The following RNF135 variants were observed in gnomAD, a reference collection of about 807,000 sequenced individuals.
RNF135 encodes E3 ubiquitin-protein ligase RNF135.
RNF135 carries 46 observed loss-of-function variants against 41.9 expected under a neutral mutation model. That is an observed-to-expected ratio of 1.10 (90% confidence interval 0.87 to 1.40). The LOEUF is 1.40. Among genes scored for constraint, RNF135 ranks in the 40% most tolerant of loss-of-function variants. The probability of loss-of-function intolerance (pLI) is 0.00; values close to 1 mark genes in which losing one functional copy is unlikely to be tolerated. For missense variants in RNF135, 539 were observed against 549.8 expected (o/e 0.98, Z 0.20); for synonymous variants, 238 against 223.8 (o/e 1.06, Z -0.57).
At chr17:30,966,429 T>C (rs1184265721), upstream of RNF135, among the ~76,000 whole-genome samples, 5 of 149,452 alleles carry the variant, frequency 3.3e-5, no homozygotes, top group African/African-American at 1.2e-4. Flanking sequence ...TTTATTTATT[T>C]TTATGTATTT....
At chr17:30,961,725 A>G in the RNF135 span, among the ~76,000 whole-genome samples, 1 of 152,044 alleles carries the variant, frequency 6.6e-6, no homozygotes, top group Admixed American at 6.6e-5. Flanking sequence ...CAGCCTCCCA[A>G]AATGCTGGGA....
rs1295451063 is a variant in RNF135, at chr17:30,998,754, C to CA, written c.864dup (p.Pro289ThrfsTer7). The CA allele has an allele frequency of 3.1e-6, 5 of 1,613,490 alleles. No individual in the cohort carries two copies. Among genetic ancestry groups the CA allele is most frequent in the Non-Finnish European group, 4.2e-6 (5 of 1,179,814 alleles). ...TACAGTGACTGTGTCTCACCGCCCA[C>CA]AACCCTATCGCTGGAGCTGTGAGAG... On this transcript the variant is annotated frameshift_variant, in exon 5 of 5. Transcript: ENST00000328381. LOFTEE classifies it high-confidence loss of function.
chr17:30,997,278 C>T lies in RNF135; in HGVS notation c.716C>T (p.Pro239Leu). The change falls in exon 4 of 5, where the codon CCA (proline) becomes CTA (leucine). Residue 239 changes from proline (P) to leucine (L), a missense_variant. Around this residue, in one of 2 missense-constraint regions of RNF135, gnomAD observed 262 missense variants for 336.9 expected, o/e 0.78. Coordinates refer to ENST00000328381, the MANE Select transcript of RNF135 (RefSeq NM_032322.4). ...LLEAPSSSSC[P>L]LPDQSHPALR... Reference sequence around the variant, plus strand: ...GAAGCCCCGTCTTCCTCCTCATGCCCATTGCCTGACCAGAGCCACCCTGCA... The same window carrying T: ...GAAGCCCCGTCTTCCTCCTCATGCCTATTGCCTGACCAGAGCCACCCTGCA... 2 of 1,614,098 alleles carry T rather than the reference C, an allele frequency of 1.2e-6. No homozygotes were observed.
At chr17:30,990,346 A>C (rs1907902319) in intron 3 of RNF135, among the ~76,000 whole-genome samples, 1 of 152,144 alleles carries the variant, frequency 6.6e-6, no homozygotes, top group Non-Finnish European at 1.5e-5. Context: ...AACATGGTGA[A>C]ACCCCGTCTC....
chr17:30,969,716 T>C (rs979905760), upstream of RNF135, among the ~76,000 whole-genome samples: 1 of 151,712 alleles, frequency 6.6e-6, no homozygotes, highest in African/African-American at 2.4e-5. Context: ...GTATTAGAAA[T>C]AACCACAAAC....
intron 3 of RNF135, among the ~76,000 whole-genome samples, chr17:30,990,824 A>G (rs975612068): frequency 5.9e-5 from 9 of 152,144 alleles, no homozygotes; most frequent in African/African-American, 2.2e-4. Flanking sequence ...TGCTTTTGTT[A>G]GTACCTAGGG....
chr17:30,970,778 T>C (rs1020562516), upstream of RNF135: 5 of 497,840 alleles, frequency 1.0e-5, no homozygotes. Context: ...TGGAGGGACA[T>C]CCAGCTAAAG....
upstream of RNF135, chr17:30,970,384 G>T (rs890854513): frequency 6.6e-6 from 1 of 152,118 alleles, no homozygotes; most frequent in Non-Finnish European, 1.5e-5. Flanking sequence ...GCAGAAGGCG[G>T]TAAGGACACA....
At position 30,999,892 on chromosome 17, in the gene RNF135, C is replaced by T. The variant is rs1002197652; in HGVS notation, c.*701C>T. The stretch of plus-strand genomic sequence containing the variant: ...ATCTGTATCCTTTCACTGTAATAAA[C>T]TGTAACTATGAGTGCAACACTTTGC... On this transcript the variant is annotated 3_prime_UTR_variant, in exon 5 of 5. Transcript: ENST00000328381. 6.5e-6 allele frequency: 1 copy of T among 153,210 alleles called. No individual in the cohort carries two copies. Among genetic ancestry groups the T allele is most frequent in the African/African-American group, 2.4e-5 (1 of 41,438 alleles). 9.5% of individuals were successfully genotyped at this position (153,210 alleles called of 1,614,324 possible).
chr17:30,995,406 G>GT (rs1353318666), intron 3 of RNF135, among the ~76,000 whole-genome samples: 4 of 151,506 alleles, frequency 2.6e-5, no homozygotes, highest in Non-Finnish European at 2.9e-5. Context: ...AAAAAGAATT[G>GT]TTTTGTAGAG....
intron 1 of RNF135, among the ~76,000 whole-genome samples, chr17:30,980,472 C>G (rs1350375640): frequency 1.5e-5 from 2 of 136,586 alleles, no homozygotes; most frequent in African/African-American, 5.5e-5. Flanking sequence ...CCTCACCTCC[C>G]GGACGGGGCG....
chr17:30,995,137 T>C (rs997896469), intron 3 of RNF135, among the ~76,000 whole-genome samples: 3 of 151,212 alleles, frequency 2.0e-5, no homozygotes, highest in Admixed American at 1.3e-4. Context: ...CCTGTAATCA[T>C]AGCACTTTGG....
Position 30,998,633 on chromosome 17 carries a change from T to G in RNF135, c.770-29T>G, listed in dbSNP as rs898760701. On this transcript the variant is annotated intron_variant, in intron 4 of 4. Transcript: ENST00000328381. ...GACCATCAAAAGATGACCGGCCATG[T>G]TCTTATTGTTCTTTTTTTTTTTCCA... 3.1e-6 allele frequency: 5 copies of G among 1,608,508 alleles called. No individual in the cohort carries two copies. The Admixed American group carries it at 6.7e-5, about 21-fold the overall frequency.
intron 3 of RNF135, among the ~76,000 whole-genome samples, chr17:30,992,191 C>T (rs1908035490): frequency 6.6e-6 from 1 of 152,048 alleles, no homozygotes; most frequent in Non-Finnish European, 1.5e-5. Flanking sequence ...CTTGGCTTCC[C>T]AATCTGCTGG....
intron 3 of RNF135, among the ~76,000 whole-genome samples, chr17:30,991,995 T>C (rs1364814322): frequency 6.6e-6 from 1 of 151,200 alleles, no homozygotes; most frequent in Admixed American, 6.6e-5. Context: ...TACAAAGGTG[T>C]GATCTGGCTC....
intron 1 of RNF135, chr17:30,975,341 T>C: frequency 1.4e-6 from 1 of 698,702 alleles, no homozygotes; most frequent in Non-Finnish European, 2.6e-6. Context: ...AAAATATTGC[T>C]ACTTATGCCT....
intron 3 of RNF135, among the ~76,000 whole-genome samples, chr17:30,990,386 T>C (rs1232714361): frequency 6.6e-6 from 1 of 151,974 alleles, no homozygotes; most frequent in African/African-American, 2.4e-5. Context: ...TAGCCGGGCG[T>C]GGTGGCACAC....
intron 3 of RNF135, among the ~76,000 whole-genome samples, chr17:30,988,612 G>A (rs1907764656): frequency 6.6e-6 from 1 of 151,330 alleles, no homozygotes; most frequent in South Asian, 2.1e-4. Context: ...GTTTTTGATA[G>A]AGACGGGGTT....
At chr17:30,962,122 A>G in the RNF135 span, among the ~76,000 whole-genome samples, 1 of 150,680 alleles carries the variant, frequency 6.6e-6, no homozygotes, top group Non-Finnish European at 1.5e-5. Flanking sequence ...TACAATAAAT[A>G]ACTCTATGCT....
Sources: allele counts gnomAD v4.1 joint callset (sites outside exome capture counted in the v4.1 genomes callset), GRCh38; gene constraint gnomAD v4.1.1; regional missense constraint gnomAD v4.1.1; transcripts MANE v1.5; gene names NCBI Gene and HGNC (gene_info 2026-07-23, HGNC 2026-07-21).